The following PLB1 variants were observed in gnomAD, a reference collection of about 807,000 sequenced individuals.
The protein encoded by PLB1 is phospholipase B1.
In PLB1, 242 loss-of-function variants were observed where a neutral mutation model predicts 227.4. The observed-to-expected ratio is 1.06, with a 90% confidence interval of 0.96 to 1.18. The LOEUF (loss-of-function observed/expected upper bound fraction) is 1.18, where lower values mean the gene tolerates loss of function less well. Ranked by LOEUF, PLB1 falls within the 50% of genes most tolerant of loss-of-function variation. The pLI, the probability that PLB1 is intolerant of heterozygous loss-of-function variation, is 0.00. For missense variants in PLB1, 1,858 were observed against 1,816.3 expected, an observed-to-expected ratio of 1.02 and a Z score of -0.42; for synonymous variants, 757 against 682.2, an observed-to-expected ratio of 1.11 and a Z score of -1.71.
Position 28,632,824 on chromosome 2 carries a change from T to C in PLB1, c.4003-120T>C. ...GTTTTTCCATCAGTATCTGAGCAAG[T>C]TGGCAGGAAAGTTGAAAGAATGAAA... On this transcript the variant is annotated intron_variant, in intron 55 of 57. Transcript: ENST00000327757. The C allele has an allele frequency of 1.3e-5, 9 of 702,312 alleles. No individual in the cohort carries two copies. The South Asian group carries it at 1.4e-4, about 11-fold the overall frequency. 43.5% of individuals were successfully genotyped at this position (702,312 alleles called of 1,614,324 possible). A position where few individuals can be genotyped will look rare whatever the true frequency, so the allele number is the denominator to read the frequency against.
intron 49 of PLB1, among the ~76,000 whole-genome samples, chr2:28,622,833 C>CCAAG (rs1687221294): frequency 6.6e-6 from 1 of 152,164 alleles, no homozygotes; most frequent in Non-Finnish European, 1.5e-5. Context: ...CTGCAGTGAG[C>CCAAG]CAAGATCGTG....
chr2:28,540,284 C>A, intron 11 of PLB1, 82 bp from the exon 12 acceptor site: 1 of 1,136,812 alleles, frequency 8.8e-7, no homozygotes, highest in Non-Finnish European at 1.3e-6. Context: ...GCCCCTTCTT[C>A]CATAAGAGGC....
chr2:28,514,065 G>A (rs1009206821), intron 1 of PLB1, among the ~76,000 whole-genome samples: 3 of 152,214 alleles, frequency 2.0e-5, no homozygotes, highest in African/African-American at 4.8e-5. Flanking sequence ...TAATAGTAGA[G>A]TGCTGAGTAT....
chr2:28,549,412 C>CTTT (rs746205635), intron 15 of PLB1, among the ~76,000 whole-genome samples: 2,157 of 87,094 alleles, frequency 0.025, 473 homozygotes, highest in African/African-American at 0.074. Context: ...GAGATTCTTT[C>CTTT]TTTTTTTTTT....
intron 17 of PLB1, among the ~76,000 whole-genome samples, chr2:28,556,745 A>T (rs1054447632): frequency 2.0e-5 from 3 of 152,340 alleles, no homozygotes; most frequent in Non-Finnish European, 4.4e-5. Flanking sequence ...GGCAAATTCC[A>T]CACAGTGGGA....
chr2:28,622,155 A>C (rs972256141), intron 49 of PLB1, among the ~76,000 whole-genome samples: 25 of 152,230 alleles, frequency 1.6e-4, no homozygotes, highest in Non-Finnish European at 1.5e-4. Context: ...ACTTTCCTTT[A>C]TCTCTATTCT....
intron 54 of PLB1, 106 bp downstream of exon 54, chr2:28,630,770 C>T (rs1573563712): frequency 1.9e-5 from 17 of 878,942 alleles, no homozygotes; most frequent in Non-Finnish European, 2.4e-5. Context: ...GCAAGCCACT[C>T]CCTAAAAGCA....
intron 1 of PLB1, among the ~76,000 whole-genome samples, chr2:28,505,088 A>G (rs577341164): frequency 2.0e-5 from 3 of 152,200 alleles, no homozygotes; most frequent in Non-Finnish European, 4.4e-5. Context: ...ACCAGGCTCT[A>G]TGATAAGCAC....
chr2:28,626,675 G>A (rs1687839420), intron 51 of PLB1, 167 bp downstream of exon 51: 1 of 653,878 alleles, frequency 1.5e-6, no homozygotes, highest in East Asian at 2.7e-5. Flanking sequence ...GCAAGGCCCA[G>A]CCTTTTCTAC....
intron 44 of PLB1, among the ~76,000 whole-genome samples, chr2:28,615,822 G>C (rs1356553685): frequency 6.6e-6 from 1 of 152,188 alleles, no homozygotes; most frequent in African/African-American, 2.4e-5. Flanking sequence ...CTTTGCTTTT[G>C]CTGCTGGAAG....
intron 1 of PLB1, among the ~76,000 whole-genome samples, chr2:28,496,825 A>C (rs139909333): frequency 1.1e-3 from 168 of 152,304 alleles, no homozygotes; most frequent in African/African-American, 3.9e-3. Context: ...GGAAGGCAGA[A>C]TCTTTTAAAC....
chr2:28,544,495 T>C (rs1345201475), intron 14 of PLB1, among the ~76,000 whole-genome samples: 3 of 152,194 alleles, frequency 2.0e-5, no homozygotes, highest in Non-Finnish European at 4.4e-5. Context: ...TACCACCTTG[T>C]ACCCTGCCCT....
chr2:28,502,133 A>G (rs1026693344), intron 1 of PLB1, among the ~76,000 whole-genome samples: 16 of 152,216 alleles, frequency 1.1e-4, no homozygotes, highest in African/African-American at 3.9e-4. Flanking sequence ...TAGCTTGACA[A>G]TAAAGCTATA....
intron 43 of PLB1, among the ~76,000 whole-genome samples, chr2:28,606,890 T>C (rs1684757493): frequency 6.6e-6 from 1 of 152,108 alleles, no homozygotes; most frequent in Non-Finnish European, 1.5e-5. Flanking sequence ...GGGCTTCTCT[T>C]AGCAGTGGTG....
At chr2:28,547,199 C>T (rs1294381943) in intron 14 of PLB1, among the ~76,000 whole-genome samples, 4 of 63,930 alleles carry the variant, frequency 6.3e-5, no homozygotes, top group African/African-American at 1.0e-4. Flanking sequence ...GAGACCCTGT[C>T]TCCAAAAAAA....
chr2:28,586,254 A>C (rs1412553484), intron 26 of PLB1, among the ~76,000 whole-genome samples: 1 of 152,148 alleles, frequency 6.6e-6, no homozygotes, highest in Non-Finnish European at 1.5e-5. Flanking sequence ...CGGAGGCTGA[A>C]AGTCCTCCCT....
intron 15 of PLB1, among the ~76,000 whole-genome samples, 189 bp downstream of exon 15, chr2:28,549,120 T>G (rs1376271368): frequency 1.3e-5 from 2 of 152,202 alleles, no homozygotes; most frequent in Non-Finnish European, 2.9e-5. Flanking sequence ...AGAGCTGTTC[T>G]AGCAAAACTG....
intron 29 of PLB1, among the ~76,000 whole-genome samples, chr2:28,590,620 C>T (rs1172704817): frequency 6.6e-6 from 1 of 152,064 alleles, no homozygotes; most frequent in African/African-American, 2.4e-5. Context: ...TGTCCTCGTC[C>T]CCAAGAATCC....
Position 28,592,662 on chromosome 2 carries a change from G to A in PLB1, c.2190G>A (p.Val730=), listed in dbSNP as rs964575819. 5.6e-6 allele frequency: 9 copies of A among 1,614,032 alleles called. No individual in the cohort carries two copies. Among genetic ancestry groups the A allele is most frequent in the Non-Finnish European group, 6.8e-6 (8 of 1,180,034 alleles). The change falls in exon 32 of 58, where the codon GTG becomes GTA. Residue 730 remains valine (V), a splice_region_variant and synonymous_variant. Coordinates refer to ENST00000327757, the MANE Select transcript of PLB1 (RefSeq NM_153021.5). ...AAGTGTGTCCACTTGTCTTTCCAGT[G>A]CATGCCCTGAGACCTGCAGACATCC... ...RAPSALHPTS[V]HALRPADIQV...
Sources: allele counts gnomAD v4.1 joint callset (sites outside exome capture counted in the v4.1 genomes callset), GRCh38; gene constraint gnomAD v4.1.1; transcripts MANE v1.5; gene names NCBI Gene and HGNC (gene_info 2026-07-23, HGNC 2026-07-21).